STXBP6: variants seen among roughly 807,000 people sequenced by gnomAD.
The protein encoded by STXBP6 is syntaxin binding protein 6.
A neutral mutation model predicts 26.9 loss-of-function variants in STXBP6; 21 were observed. That is an observed-to-expected ratio of 0.78 (90% CI 0.55 to 1.12). STXBP6 has a LOEUF of 1.12. Among genes scored for constraint, STXBP6 ranks in the 50% most tolerant of loss-of-function variants. The pLI is 0.00. For synonymous variants in STXBP6, 97 were observed against 92.6 expected (o/e 1.05, Z -0.27); for missense variants, 232 against 257.9 (o/e 0.90, Z 0.69).
intron 1 of STXBP6, among the ~76,000 whole-genome samples, chr14:24,989,152 G>C (rs2074404737): frequency 6.6e-6 from 1 of 152,078 alleles, no homozygotes; most frequent in African/African-American, 2.4e-5. Flanking sequence ...CAAATCACCA[G>C]ACCCCACTAC....
At chr14:24,817,581 TC>T in intron 5 of STXBP6, 1 of 165,638 alleles carries the variant, frequency 6.0e-6, no homozygotes, top group East Asian at 1.7e-4. Flanking sequence ...ATTTCCACTA[TC>T]CGTCTCCCAC....
At chr14:24,940,353 G>T (rs1008834904) in intron 2 of STXBP6, among the ~76,000 whole-genome samples, 1 of 152,178 alleles carries the variant, frequency 6.6e-6, no homozygotes, top group African/African-American at 2.4e-5. Context: ...CAAAATACAA[G>T]AATTGTGACT....
intron 2 of STXBP6, among the ~76,000 whole-genome samples, chr14:24,911,096 G>C (rs2071555088): frequency 6.6e-6 from 1 of 152,136 alleles, no homozygotes; most frequent in Admixed American, 6.6e-5. Context: ...ATGCCAAGGT[G>C]AGAGGATCAC....
chr14:24,931,920 G>A (rs1185602778), intron 2 of STXBP6, among the ~76,000 whole-genome samples: 2 of 152,098 alleles, frequency 1.3e-5, no homozygotes, highest in Non-Finnish European at 2.9e-5. Flanking sequence ...ACAAACAAAT[G>A]CAAAAGTCCT....
intron 4 of STXBP6, among the ~76,000 whole-genome samples, chr14:24,851,944 C>G (rs1250054606): frequency 6.6e-6 from 1 of 152,082 alleles, no homozygotes; most frequent in Admixed American, 6.6e-5. Flanking sequence ...TGTTGGAACC[C>G]CCAAAAACAC....
intron 1 of STXBP6, among the ~76,000 whole-genome samples, chr14:24,992,005 A>T (rs532767403): frequency 1.3e-5 from 2 of 152,320 alleles, no homozygotes; most frequent in South Asian, 2.1e-4. Flanking sequence ...TCTTTTGCTC[A>T]ACATTCCAAC....
intron 4 of STXBP6, among the ~76,000 whole-genome samples, chr14:24,820,901 A>G (rs1273148784): frequency 1.3e-5 from 2 of 152,180 alleles, no homozygotes; most frequent in African/African-American, 4.8e-5. Flanking sequence ...GTGTTGGTTC[A>G]GAGAAGCAAT....
At chr14:24,916,037 A>G (rs2071753297) in intron 2 of STXBP6, among the ~76,000 whole-genome samples, 1 of 152,136 alleles carries the variant, frequency 6.6e-6, no homozygotes, top group South Asian at 2.1e-4. Flanking sequence ...TAACTACCAG[A>G]AAAACCAAAA....
At position 24,912,560 on chromosome 14, in the gene STXBP6, T is replaced by C. The variant is rs141776570; in HGVS notation, c.155-55403A>G. On this transcript the variant is annotated intron_variant, in intron 2 of 5. Transcript: ENST00000323944. ...GCAATTAGATCTATCCATTTAAAAA[T>C]CATACAGCCTTACTTTAAGTGCATA... is the stretch of plus-strand genomic sequence containing the variant. Among the ~76,000 whole-genome samples the C allele has an allele frequency of 1.6e-3, 240 of 151,978 alleles. 1 individual carries two copies. Among genetic ancestry groups the C allele is most frequent in the African/African-American group, 5.5e-3 (230 of 41,450 alleles).
At chr14:24,933,278 A>G (rs1454817132) in intron 2 of STXBP6, among the ~76,000 whole-genome samples, 1 of 152,176 alleles carries the variant, frequency 6.6e-6, no homozygotes, top group African/African-American at 2.4e-5. Context: ...GGAGGTGGAC[A>G]ATGCAGTGAG....
chr14:25,031,463 T>C (rs1483826306), intron 1 of STXBP6, among the ~76,000 whole-genome samples: 1 of 152,202 alleles, frequency 6.6e-6, no homozygotes, highest in African/African-American at 2.4e-5. Flanking sequence ...CCAAAGCCTT[T>C]TCCTGCTCAA....
At position 25,049,687 on chromosome 14, in the gene STXBP6, G is replaced by T. The variant is rs2075776150; in HGVS notation, c.-33+191C>A. The T allele has an allele frequency of 1.0e-6, 1 of 985,848 alleles. No individual in the cohort carries two copies. The highest frequency in any genetic ancestry group is 1.2e-6 in the Non-Finnish European group (1 of 830,320). 61.1% of individuals were successfully genotyped at this position (985,848 alleles called of 1,614,324 possible). A position where few individuals can be genotyped will look rare whatever the true frequency, so the allele number is the denominator to read the frequency against. On this transcript the variant is annotated intron_variant, in intron 1 of 5. Coordinates refer to ENST00000323944, the MANE Select transcript of STXBP6 (RefSeq NM_001394410.1). This position sits in a 1 kb window ranked among gnomAD's most constrained non-coding sequence, Gnocchi z 5.6. ...TGCGCGCACAAAGCAGCTGCGCCGG[G>T]GCGCGCGGCCCCCTCTCCCGCCACC...
chr14:24,841,491 T>C (rs551426060), intron 4 of STXBP6, among the ~76,000 whole-genome samples: 2 of 152,362 alleles, frequency 1.3e-5, no homozygotes, highest in East Asian at 3.9e-4. Context: ...AGCCATCATC[T>C]TTTCAAATAC....
chr14:24,865,446 A>G (rs764019722), intron 2 of STXBP6, among the ~76,000 whole-genome samples: 1 of 152,200 alleles, frequency 6.6e-6, no homozygotes, highest in Admixed American at 6.5e-5. Context: ...TAAAATTCTT[A>G]AGACAGAGTA....
At chr14:24,860,196 C>T (rs1434297463) in intron 2 of STXBP6, among the ~76,000 whole-genome samples, 2 of 152,148 alleles carry the variant, frequency 1.3e-5, no homozygotes, top group Non-Finnish European at 2.9e-5. Context: ...AATTCGAAAA[C>T]TTGCTATACT....
At chr14:24,908,807 G>A (rs1221462226) in intron 2 of STXBP6, among the ~76,000 whole-genome samples, 6 of 152,178 alleles carry the variant, frequency 3.9e-5, no homozygotes, top group Non-Finnish European at 7.3e-5. Flanking sequence ...GCTCGGCTGA[G>A]CTGCAGCATT....
intron 2 of STXBP6, among the ~76,000 whole-genome samples, chr14:24,858,989 G>T (rs2069438908): frequency 6.6e-6 from 1 of 152,100 alleles, no homozygotes; most frequent in South Asian, 2.1e-4. Flanking sequence ...AAGTTGTTAT[G>T]AGCTCCTATT....
intron 2 of STXBP6, among the ~76,000 whole-genome samples, chr14:24,882,378 C>CACAAAAAAAAAAAAAAAAAAAAAAAAA (rs2070400909): frequency 3.7e-5 from 1 of 26,830 alleles, no homozygotes; most frequent in Non-Finnish European, 5.9e-5. Context: ...GACTCCGTCT[C>CACAAAAAAAAAAAAAAAAAAAAAAAAA]AAAAAAAAAA....
At chr14:24,820,017 C>T (rs2068093685) in intron 4 of STXBP6, among the ~76,000 whole-genome samples, 1 of 152,218 alleles carries the variant, frequency 6.6e-6, no homozygotes, top group African/African-American at 2.4e-5. Flanking sequence ...GCATTCCTGA[C>T]ATCCCATTTG....
Sources: gnomAD v4.1 joint callset for allele counts (sites outside exome capture counted in the v4.1 genomes callset) on GRCh38, gnomAD v4.1.1 for gene constraint, Gnocchi (gnomAD v3.1) non-coding constraint, MANE v1.5 for transcripts, NCBI Gene and HGNC (gene_info 2026-07-23, HGNC 2026-07-21) for gene names.